The following SLC38A9 variants were observed in gnomAD, a reference collection of about 807,000 sequenced individuals.
The protein encoded by SLC38A9 is solute carrier family 38 member 9.
A neutral mutation model predicts 62.3 loss-of-function variants in SLC38A9; 48 were observed. That is an observed-to-expected ratio of 0.77 (90% CI 0.61 to 0.98). The LOEUF is 0.98. Ranked by LOEUF, SLC38A9 falls within the 50% of genes least tolerant of loss-of-function variation. The pLI is 0.00. For synonymous variants in SLC38A9, 204 were observed against 227.7 expected, an observed-to-expected ratio of 0.90 and a Z score of 0.94; for missense variants, 541 against 679.8, an observed-to-expected ratio of 0.80 and a Z score of 2.27.
At chr5:55,654,433 C>T (rs887830644) in intron 9 of SLC38A9, among the ~76,000 whole-genome samples, 1 of 152,054 alleles carries the variant, frequency 6.6e-6, no homozygotes, top group African/African-American at 2.4e-5. Flanking sequence ...GCCTAGAAAA[C>T]ATGGCAACCC....
At chr5:55,680,560 A>G (rs1196866914) in intron 3 of SLC38A9, among the ~76,000 whole-genome samples, 4 of 152,046 alleles carry the variant, frequency 2.6e-5, no homozygotes, top group African/African-American at 9.7e-5. Context: ...GTCAGATCAA[A>G]TGCCAGTGCC....
In SLC38A9 at chr5:55,626,348, A is replaced by T; in HGVS notation, c.*146T>A. ...CCACCCCAATAAAAAAATACTCATT[A>T]AGGGGCCACTATTTCCCTTGCTTTC... On this transcript the variant is annotated 3_prime_UTR_variant, in exon 16 of 16. Coordinates refer to ENST00000396865, the MANE Select transcript of SLC38A9 (RefSeq NM_173514.4). 1.4e-6 allele frequency: 1 copy of T among 708,272 alleles called. No individual in the cohort carries two copies. The highest frequency in any genetic ancestry group is 2.3e-6 in the Non-Finnish European group (1 of 440,560). The allele number at this position is 708,272 out of a possible 1,614,324, so 43.9% of individuals were successfully genotyped here.
chr5:55,646,050 T>C (rs1163990170), intron 11 of SLC38A9, among the ~76,000 whole-genome samples, 155 bp from the exon 12 acceptor site: 1 of 152,148 alleles, frequency 6.6e-6, no homozygotes, highest in Non-Finnish European at 1.5e-5. Context: ...GCCAGCATTA[T>C]ACTTGGGCGA....
chr5:55,691,315 G>A (rs577704092), intron 3 of SLC38A9: 3 of 1,481,450 alleles, frequency 2.0e-6, no homozygotes, highest in African/African-American at 1.4e-5. Flanking sequence ...GGACAGATAA[G>A]TACTGGTGAA....
At chr5:55,676,998 A>C (rs1191272441) in intron 3 of SLC38A9, among the ~76,000 whole-genome samples, 3 of 152,248 alleles carry the variant, frequency 2.0e-5, no homozygotes, top group African/African-American at 7.2e-5. Flanking sequence ...AAATTTTCTA[A>C]GATTTAAAAA....
intron 12 of SLC38A9, among the ~76,000 whole-genome samples, chr5:55,642,344 C>T (rs949118384): frequency 6.6e-6 from 1 of 152,214 alleles, no homozygotes; most frequent in Non-Finnish European, 1.5e-5. Flanking sequence ...CGTGCCCAGC[C>T]TGAGACTGTT....
chr5:55,708,209 A>G (rs1488375224), intron 2 of SLC38A9, among the ~76,000 whole-genome samples: 1 of 152,136 alleles, frequency 6.6e-6, no homozygotes, highest in Non-Finnish European at 1.5e-5. Context: ...TCATGCCTGT[A>G]ATCTCAGCTA....
chr5:55,633,663 T>C (rs1387319077), intron 14 of SLC38A9, 91 bp downstream of exon 14: 1 of 1,556,692 alleles, frequency 6.4e-7, no homozygotes, highest in Non-Finnish European at 8.7e-7. Flanking sequence ...GGCATTTTTA[T>C]AGCAAAAGGA....
At chr5:55,669,184 CTTA>C (rs1750901590) in intron 7 of SLC38A9, 41 bp downstream of exon 7, 1 of 1,433,484 alleles carries the variant, frequency 7.0e-7, no homozygotes, top group Non-Finnish European at 9.8e-7. Context: ...AAGGGAAATG[CTTA>C]TTAATACCCA....
intron 8 of SLC38A9, among the ~76,000 whole-genome samples, chr5:55,663,626 G>T: frequency 6.6e-6 from 1 of 152,062 alleles, no homozygotes; most frequent in South Asian, 2.1e-4. Flanking sequence ...CCAGCTACTC[G>T]GAAGGCCGAA....
At chr5:55,700,130 C>T (rs1756446041) in intron 2 of SLC38A9, among the ~76,000 whole-genome samples, 1 of 151,940 alleles carries the variant, frequency 6.6e-6, no homozygotes, top group Admixed American at 6.6e-5. Flanking sequence ...CACTTGAGGT[C>T]AGGAATTCGA....
chr5:55,664,100 A>G (rs990238686), intron 8 of SLC38A9, among the ~76,000 whole-genome samples: 2 of 151,796 alleles, frequency 1.3e-5, no homozygotes, highest in Admixed American at 1.3e-4. Flanking sequence ...GGAGTTTGAG[A>G]CCAGCCAGGG....
chr5:55,667,043 A>T (rs1158382233), intron 7 of SLC38A9, among the ~76,000 whole-genome samples: 1 of 151,368 alleles, frequency 6.6e-6, no homozygotes, highest in African/African-American at 2.4e-5. Flanking sequence ...AAAAATACAA[A>T]AATTAACCAG....
At chr5:55,628,102 T>G in intron 14 of SLC38A9, 122 bp from the exon 15 acceptor site, 1 of 629,656 alleles carries the variant, frequency 1.6e-6, no homozygotes, top group South Asian at 2.2e-5. Flanking sequence ...TTAAGCTTGA[T>G]AAAATCACAG....
At position 55,633,796 on chromosome 5, in the gene SLC38A9, C is replaced by T. The variant is rs139019589; in HGVS notation, c.1388G>A (p.Arg463His). The change falls in exon 14 of 16, where the codon CGT (arginine) becomes CAT (histidine). Residue 463 changes from arginine to histidine, a missense_variant. By Grantham distance (29) the Arg-to-His change is conservative (BLOSUM62 0). Coordinates refer to ENST00000396865, the MANE Select transcript of SLC38A9 (RefSeq NM_173514.4). ...TVYPLLGYLARVQLLGHIFGD... is the reference protein window; with the variant it reads ...TVYPLLGYLAHVQLLGHIFGD... ...GAAGATATGGCCCAAAAGCTGGACA[C>T]GAGCCAGGTAGCCTAAGAGTGGGTA... is the stretch of plus-strand genomic sequence containing the variant. 1.9e-5 allele frequency: 30 copies of T among 1,613,956 alleles called. No individual in the cohort carries two copies. Among genetic ancestry groups the T allele is most frequent in the Non-Finnish European group, 2.3e-5 (27 of 1,180,020 alleles).
chr5:55,666,444 G>T (rs1750479343), intron 7 of SLC38A9, among the ~76,000 whole-genome samples: 1 of 152,144 alleles, frequency 6.6e-6, no homozygotes, highest in South Asian at 2.1e-4. Flanking sequence ...AATTATGTTT[G>T]ATGAATACAG....
chr5:55,652,725 T>C lies in SLC38A9; in HGVS notation c.758-2A>G. 6.2e-7 allele frequency: 1 copy of C among 1,603,362 alleles called. No homozygotes were observed. The highest frequency in any genetic ancestry group is 1.1e-5 in the South Asian group (1 of 89,826). ...CACTCCCGGCACTTGGACAAATCAC[T>C]GCAATAGGAAAGCACCAGATTAAAG... is the stretch of plus-strand genomic sequence containing the variant. On this transcript the variant is annotated splice_acceptor_variant, in intron 9 of 15. Coordinates refer to ENST00000396865, the MANE Select transcript of SLC38A9 (RefSeq NM_173514.4). LOFTEE classifies it high-confidence loss of function.
At chr5:55,663,294 TACAAAA>T (rs1367187661) in intron 8 of SLC38A9, among the ~76,000 whole-genome samples, 1 of 13,338 alleles carries the variant, frequency 7.5e-5, no homozygotes, top group African/African-American at 3.8e-4. Context: ...ACTCTGTCTC[TACAAAA>T]AAAAAAAAAA....
At chr5:55,701,074 C>T (rs191830081) in intron 2 of SLC38A9, among the ~76,000 whole-genome samples, 1 of 152,166 alleles carries the variant, frequency 6.6e-6, no homozygotes, top group Admixed American at 6.5e-5. Flanking sequence ...AAATTCAATA[C>T]CTCAGTCACA....
Sources: gnomAD v4.1 joint callset for allele counts (sites outside exome capture counted in the v4.1 genomes callset) on GRCh38, gnomAD v4.1.1 for gene constraint, MANE v1.5 for transcripts, NCBI Gene and HGNC (gene_info 2026-07-23, HGNC 2026-07-21) for gene names.